The following TFB1M variants were observed in gnomAD, a reference collection of about 807,000 sequenced individuals.
TFB1M encodes the protein dimethyladenosine transferase 1, mitochondrial.
In TFB1M, 27 loss-of-function variants were observed where a neutral mutation model predicts 31.1. That is an observed-to-expected ratio of 0.87 (90% CI 0.64 to 1.20). The LOEUF (loss-of-function observed/expected upper bound fraction) is 1.20, where lower values mean the gene tolerates loss of function less well. TFB1M is among the 50% of genes most tolerant of loss of function. TFB1M has a pLI of 0.00. For missense variants in TFB1M, 394 were observed against 418.7 expected, an observed-to-expected ratio of 0.94 and a Z score of 0.51; for synonymous variants, 166 against 151.8, an observed-to-expected ratio of 1.09 and a Z score of -0.69.
At position 155,260,261 on chromosome 6, in the gene TFB1M, A is replaced by C. The variant is rs181591401; in HGVS notation, c.794+12T>G. On this transcript the variant is annotated intron_variant, in intron 6 of 6. Transcript: ENST00000367166. ...AAAGACTGCAACTGAAGAGAAGAAA[A>C]GGCATTCTTACCTGAGCCCTCGATG... 54 of 1,614,120 alleles carry C rather than the reference A, an allele frequency of 3.3e-5. No homozygotes were observed. The African/African-American group carries it at 5.6e-4, about 17-fold the overall frequency.
rs1312417264 is a variant in TFB1M, at chr6:155,256,445, G to C, written c.*1391C>G. The C allele has an allele frequency of 6.2e-7, 1 of 1,613,494 alleles. No individual in the cohort carries two copies. Among genetic ancestry groups the C allele is most frequent in the Non-Finnish European group, 8.5e-7 (1 of 1,179,922 alleles). On this transcript the variant is annotated 3_prime_UTR_variant, in exon 7 of 7. Coordinates refer to ENST00000367166, the MANE Select transcript of TFB1M (RefSeq NM_016020.4). ...GCAAACATTACACATTGTGTAACCT[G>C]TTTCTGTATCACAGCGAAATGTGTT... is the stretch of plus-strand genomic sequence containing the variant.
downstream of TFB1M, chr6:155,254,611 T>C (rs757697419): frequency 6.3e-7 from 1 of 1,599,266 alleles, no homozygotes; most frequent in Non-Finnish European, 8.6e-7. Context: ...TTCAACAAAA[T>C]ATTATGAGCT....
chr6:155,232,202 A>G, the TFB1M span, among the ~76,000 whole-genome samples: 1 of 152,094 alleles, frequency 6.6e-6, no homozygotes, highest in Admixed American at 6.5e-5. Context: ...TCTTTCTGTA[A>G]GTTAGACAGT....
intron 2 of TFB1M, among the ~76,000 whole-genome samples, chr6:155,300,523 A>C (rs1306598004): frequency 6.6e-6 from 1 of 152,178 alleles, no homozygotes; most frequent in Non-Finnish European, 1.5e-5. Context: ...AAACGCTAAA[A>C]TTTTTTCTAT....
At chr6:155,306,204 T>G (rs1397376132) in intron 2 of TFB1M, among the ~76,000 whole-genome samples, 1 of 152,256 alleles carries the variant, frequency 6.6e-6, no homozygotes, top group African/African-American at 2.4e-5. Flanking sequence ...CCATACCAAG[T>G]CTGAGCAAGC....
rs1289245533 is a variant in TFB1M, at chr6:155,286,647, GTGTA to G, written c.547-1374_547-1371del. Reference sequence around the variant, plus strand: ...TATATGTGTGCATATATGTGTGTGTGTGTATATATATATGTATATATACATATAT... The same window carrying G: ...TATATGTGTGCATATATGTGTGTGTGTATATATATGTATATATACATATAT... On this transcript the variant is annotated intron_variant, in intron 4 of 6. Transcript: ENST00000367166. 1.2e-4 allele frequency among the ~76,000 whole-genome samples: 15 copies of G among 129,504 alleles called. No individual in the cohort carries two copies. The East Asian group carries it at 2.1e-3, about 18-fold the overall frequency. 85.0% of individuals were successfully genotyped at this position (129,504 alleles called of 152,430 possible).
rs1777899312 is a variant in TFB1M, at chr6:155,308,874, T to C, written c.285+2314A>G. On this transcript the variant is annotated intron_variant, in intron 2 of 6. Coordinates refer to ENST00000367166, the MANE Select transcript of TFB1M (RefSeq NM_016020.4). ...ACCTTCTTTCTGCTTTTACTCAGTT[T>C]TATGATTAATTTAGTACCTCTAAAA... is the stretch of plus-strand genomic sequence containing the variant. Among the ~76,000 whole-genome samples, 3 of 152,296 alleles carry C rather than the reference T, an allele frequency of 2.0e-5. No homozygotes were observed. In the South Asian group the frequency reaches 6.2e-4, roughly 32 times the overall value.
intron 5 of TFB1M, among the ~76,000 whole-genome samples, chr6:155,279,025 A>G (rs1475114815): frequency 2.0e-5 from 3 of 152,150 alleles, no homozygotes; most frequent in Non-Finnish European, 4.4e-5. Flanking sequence ...TCTAGTAGGA[A>G]GAGGCCAGGG....
At position 155,257,123 on chromosome 6, in the gene TFB1M, A is replaced by G. The variant is rs1784103997; in HGVS notation, c.*713T>C. On this transcript the variant is annotated 3_prime_UTR_variant, in exon 7 of 7. Coordinates refer to ENST00000367166, the MANE Select transcript of TFB1M (RefSeq NM_016020.4). Reference sequence around the variant, plus strand: ...ACAGAGAGCCACGGAAAATCATAGTATGATTCAATCCAGATATGGGTTAAA... The same window carrying G: ...ACAGAGAGCCACGGAAAATCATAGTGTGATTCAATCCAGATATGGGTTAAA... The G allele has an allele frequency of 6.4e-7, 1 of 1,570,066 alleles. No homozygotes were observed. Among genetic ancestry groups the G allele is most frequent in the African/African-American group, 1.4e-5 (1 of 72,712 alleles).
chr6:155,304,966 G>A (rs1199203024), intron 2 of TFB1M, among the ~76,000 whole-genome samples: 1 of 149,172 alleles, frequency 6.7e-6, no homozygotes. Flanking sequence ...ATTCAATGAG[G>A]AAAAGACAGT....
the TFB1M span, among the ~76,000 whole-genome samples, chr6:155,246,327 T>G: frequency 1.3e-5 from 2 of 152,116 alleles, no homozygotes; most frequent in South Asian, 2.1e-4. Flanking sequence ...CAGAACGTCA[T>G]GATATCCCAG....
intron 4 of TFB1M, among the ~76,000 whole-genome samples, chr6:155,289,307 G>A (rs1776799394): frequency 1.3e-5 from 2 of 152,132 alleles, no homozygotes; most frequent in East Asian, 1.9e-4. Context: ...CAGCAGCATC[G>A]AGAACTTGCA....
At chr6:155,250,335 G>T in the TFB1M span, among the ~76,000 whole-genome samples, 1 of 144,104 alleles carries the variant, frequency 6.9e-6, no homozygotes, top group African/African-American at 2.6e-5. Context: ...GTGGTTACCT[G>T]CTTACTTATA....
rs1286912350 is a variant in TFB1M, at chr6:155,256,889, C to A, written c.*947G>T. Reference sequence around the variant, plus strand: ...GAGGGTCAGAAAGGAGGAGAGCAGCCCAAACTGGTCCGGGGGCACTTCTGC... The same window carrying A: ...GAGGGTCAGAAAGGAGGAGAGCAGCACAAACTGGTCCGGGGGCACTTCTGC... On this transcript the variant is annotated 3_prime_UTR_variant, in exon 7 of 7. Coordinates refer to ENST00000367166, the MANE Select transcript of TFB1M (RefSeq NM_016020.4). The A allele has an allele frequency of 3.7e-6, 6 of 1,614,060 alleles. No homozygotes were observed. The highest frequency in any genetic ancestry group is 4.2e-6 in the Non-Finnish European group (5 of 1,180,044).
intron 4 of TFB1M, among the ~76,000 whole-genome samples, chr6:155,288,186 T>C (rs1032379358): frequency 1.3e-5 from 2 of 152,222 alleles, no homozygotes; most frequent in Non-Finnish European, 2.9e-5. Flanking sequence ...AAGTTATAGA[T>C]TGTACTCAAA....
Position 155,260,372 on chromosome 6 carries a change from G to A in TFB1M, c.695C>T (p.Pro232Leu). 1 of 1,614,168 alleles carries A rather than the reference G, an allele frequency of 6.2e-7. No individual in the cohort carries two copies. The highest frequency in any genetic ancestry group is 8.5e-7 in the Non-Finnish European group (1 of 1,180,026). ...CTGCTCTATCTTGGGCTGTATCAAG[G>A]GAGTGAAGTGCACCACGCCCACGTC... ...EVDVGVVHFT[P>L]LIQPKIEQPF... Residue 232 changes from proline to leucine, a missense_variant, in exon 6 of 7, where the codon CCC becomes CTC. Physicochemically the swap from Pro to Leu is moderately conservative, Grantham distance 98. Around this residue, in one of 3 missense-constraint regions of TFB1M, gnomAD observed 115 missense variants for 144.1 expected, o/e 0.80. Transcript: ENST00000367166.
chr6:155,276,164 G>T, intron 5 of TFB1M: 2 of 1,614,108 alleles, frequency 1.2e-6, no homozygotes, highest in Non-Finnish European at 1.7e-6. Flanking sequence ...AAACTTTCTG[G>T]ATCTGACAGT....
intron 5 of TFB1M, among the ~76,000 whole-genome samples, chr6:155,284,720 C>T (rs993033827): frequency 6.6e-6 from 1 of 152,016 alleles, no homozygotes; most frequent in Non-Finnish European, 1.5e-5. Flanking sequence ...GATGATTTAC[C>T]ACAAATAACA....
At chr6:155,241,941 A>G in the TFB1M span, among the ~76,000 whole-genome samples, 1 of 152,218 alleles carries the variant, frequency 6.6e-6, no homozygotes. Flanking sequence ...AGTTAAGGGC[A>G]GAGTTGAGAG....
Sources: allele counts gnomAD v4.1 joint callset (sites outside exome capture counted in the v4.1 genomes callset), GRCh38; gene constraint gnomAD v4.1.1; regional missense constraint gnomAD v4.1.1; transcripts MANE v1.5; gene names NCBI Gene and HGNC (gene_info 2026-07-23, HGNC 2026-07-21).